RAB3C: variants seen among roughly 807,000 people sequenced by gnomAD.
RAB3C encodes the protein ras-related protein Rab-3C.
RAB3C carries 17 observed loss-of-function variants against 26.4 expected under a neutral mutation model. The observed-to-expected ratio is 0.64, with a 90% CI of 0.44 to 0.97. The LOEUF (loss-of-function observed/expected upper bound fraction) is 0.97, where lower values mean the gene tolerates loss of function less well. RAB3C is among the 50% of genes least tolerant of loss of function. RAB3C has a pLI of 0.00. For synonymous variants in RAB3C, 91 were observed against 95.9 expected (o/e 0.95, Z 0.30); for missense variants, 242 against 281.9 (o/e 0.86, Z 1.01).
At chr5:58,801,877 T>A (rs1299446696) in intron 3 of RAB3C, among the ~76,000 whole-genome samples, 1 of 152,258 alleles carries the variant, frequency 6.6e-6, no homozygotes, top group Non-Finnish European at 1.5e-5. Flanking sequence ...GCTTTCTAGC[T>A]ATGGCTCCTT....
At chr5:58,627,537 G>A (rs1579824952) in intron 2 of RAB3C, among the ~76,000 whole-genome samples, 1 of 140,104 alleles carries the variant, frequency 7.1e-6, no homozygotes, top group Non-Finnish European at 1.6e-5. Flanking sequence ...TAAATTCGGT[G>A]CAAATTAAGC....
chr5:58,646,793 C>T (rs991084882), intron 2 of RAB3C, among the ~76,000 whole-genome samples: 3 of 152,188 alleles, frequency 2.0e-5, no homozygotes, highest in Non-Finnish European at 4.4e-5. Context: ...TTAGTGCATT[C>T]ATTAAATGGC....
chr5:58,656,075 G>A (rs1312605095), intron 2 of RAB3C, among the ~76,000 whole-genome samples: 3 of 151,950 alleles, frequency 2.0e-5, no homozygotes, highest in South Asian at 2.1e-4. Context: ...GTGAGCCACC[G>A]CGCCCGGCCC....
At chr5:58,612,576 T>C (rs1035489617) in intron 1 of RAB3C, among the ~76,000 whole-genome samples, 1 of 141,096 alleles carries the variant, frequency 7.1e-6, no homozygotes, top group Admixed American at 7.1e-5. Flanking sequence ...ATATATATAT[T>C]TGGCAGTTGT....
chr5:58,647,308 T>C (rs536993444), intron 2 of RAB3C, among the ~76,000 whole-genome samples: 4 of 152,296 alleles, frequency 2.6e-5, no homozygotes, highest in African/African-American at 7.2e-5. Context: ...CTTACAATTA[T>C]GGCAGAAGGT....
At chr5:58,783,015 A>T (rs1173523284) in intron 3 of RAB3C, among the ~76,000 whole-genome samples, 2 of 151,974 alleles carry the variant, frequency 1.3e-5, no homozygotes, top group Non-Finnish European at 2.9e-5. Flanking sequence ...AGAGATGTGG[A>T]ATGCAGATCT....
chr5:58,846,337 A>C (rs750998665), intron 4 of RAB3C, among the ~76,000 whole-genome samples: 1 of 152,110 alleles, frequency 6.6e-6, no homozygotes, highest in Non-Finnish European at 1.5e-5. Flanking sequence ...GAAGCCCCAT[A>C]CACCCCTCTT....
intron 2 of RAB3C, among the ~76,000 whole-genome samples, chr5:58,720,044 G>A (rs1740711750): frequency 6.6e-6 from 1 of 151,852 alleles, no homozygotes; most frequent in South Asian, 2.1e-4. Flanking sequence ...ATTTCTGGGG[G>A]ACACAATACA....
intron 2 of RAB3C, among the ~76,000 whole-genome samples, chr5:58,697,453 G>A (rs1418285423): frequency 6.6e-6 from 1 of 152,156 alleles, no homozygotes; most frequent in African/African-American, 2.4e-5. Flanking sequence ...TCGTTGCAGA[G>A]CTGAGTTCAG....
intron 3 of RAB3C, among the ~76,000 whole-genome samples, chr5:58,752,324 T>C (rs772402290): frequency 3.3e-5 from 5 of 152,058 alleles, no homozygotes; most frequent in Non-Finnish European, 5.9e-5. Flanking sequence ...CCCCTAATTA[T>C]ATATAAGGGA....
intron 3 of RAB3C, among the ~76,000 whole-genome samples, chr5:58,824,107 T>G (rs1743417685): frequency 6.6e-6 from 1 of 152,040 alleles, no homozygotes; most frequent in African/African-American, 2.4e-5. Context: ...TGCCACATTT[T>G]CTTAATCCAG....
At chr5:58,727,032 G>A (rs1740904915) in intron 3 of RAB3C, among the ~76,000 whole-genome samples, 1 of 151,950 alleles carries the variant, frequency 6.6e-6, no homozygotes, top group African/African-American at 2.4e-5. Flanking sequence ...AGGACTGACT[G>A]AAGAAATACC....
intron 3 of RAB3C, among the ~76,000 whole-genome samples, chr5:58,750,914 G>A (rs1741508201): frequency 6.6e-6 from 1 of 151,894 alleles, no homozygotes; most frequent in Admixed American, 6.6e-5. Context: ...GAATGCAGTG[G>A]CGTGATCTTG....
chr5:58,765,769 T>C (rs1322362860), intron 3 of RAB3C, among the ~76,000 whole-genome samples: 1 of 152,168 alleles, frequency 6.6e-6, no homozygotes, highest in Non-Finnish European at 1.5e-5. Flanking sequence ...TATGGTGATA[T>C]GGTTTGGATT....
chr5:58,783,570 T>C (rs1390634312), intron 3 of RAB3C, among the ~76,000 whole-genome samples: 3 of 152,186 alleles, frequency 2.0e-5, no homozygotes. Flanking sequence ...TTTTAAGTAG[T>C]TGTCTCACTT....
chr5:58,598,350 A>C (rs575947302), intron 1 of RAB3C, among the ~76,000 whole-genome samples: 1 of 151,992 alleles, frequency 6.6e-6, no homozygotes, highest in African/African-American at 2.4e-5. Flanking sequence ...TCAGTATCAG[A>C]GATTAAGTTA....
intron 2 of RAB3C, among the ~76,000 whole-genome samples, chr5:58,656,725 G>A (rs1369574737): frequency 1.3e-5 from 2 of 152,192 alleles, no homozygotes; most frequent in Non-Finnish European, 2.9e-5. Flanking sequence ...AAGGTGAGGA[G>A]AGGGGACAGA....
At chr5:58,617,525 C>T (rs751023627) in intron 1 of RAB3C, 118 bp from the exon 2 acceptor site, 3 of 849,778 alleles carry the variant, frequency 3.5e-6, no homozygotes, top group Non-Finnish European at 4.1e-6. Context: ...CACTCGCCTC[C>T]TGAGTGTCTG....
At chr5:58,725,605 A>G (rs1740871921) in intron 2 of RAB3C, among the ~76,000 whole-genome samples, 1 of 151,984 alleles carries the variant, frequency 6.6e-6, no homozygotes, top group Non-Finnish European at 1.5e-5. Context: ...TTGGTAGAAG[A>G]AATAAGATGT....
Sources: gnomAD v4.1 joint callset for allele counts (sites outside exome capture counted in the v4.1 genomes callset) on GRCh38, gnomAD v4.1.1 for gene constraint, MANE v1.5 for transcripts, NCBI Gene and HGNC (gene_info 2026-07-23, HGNC 2026-07-21) for gene names.